HDAC5: variants seen among roughly 807,000 people sequenced by gnomAD.
HDAC5 encodes the protein histone deacetylase 5, also known as antigen NY-CO-9.
Under a neutral mutation model 133.3 loss-of-function variants are expected in HDAC5, and 25 were observed. The ratio of observed to expected loss-of-function variants is 0.19; its 90% CI spans 0.14 to 0.26. The LOEUF (loss-of-function observed/expected upper bound fraction) is 0.26, where lower values mean the gene tolerates loss of function less well. Among genes scored for constraint, HDAC5 ranks in the 10% least tolerant of loss-of-function variants. The pLI, the probability that HDAC5 is intolerant of heterozygous loss-of-function variation, is 1.00. For synonymous variants in HDAC5, 589 were observed against 610.8 expected, an observed-to-expected ratio of 0.96 and a Z score of 0.53; for missense variants, 1,041 against 1,460.5, an observed-to-expected ratio of 0.71 and a Z score of 4.68.
chr17:44,082,468 C>CGAGGATGA (rs1172055709), intron 20 of HDAC5, 117 bp downstream of exon 20: 1 of 782,590 alleles, frequency 1.3e-6, no homozygotes, highest in Non-Finnish European at 2.2e-6. Flanking sequence ...ACCCAGCACC[C>CGAGGATGA]GAGGATGAGG....
In HDAC5 at chr17:44,092,284, G is replaced by A. The variant is rs376431873; in HGVS notation, c.920C>T (p.Ala307Val). Residue 307 changes from alanine (A) to valine (V), a missense_variant and splice_region_variant, in exon 9 of 27, where the codon GCG (alanine) becomes GTG (valine). Ala to Val is a moderately conservative substitution (Grantham distance 64, BLOSUM62 0). Around this residue, in one of 9 missense-constraint regions of HDAC5, gnomAD observed 433 missense variants for 531.6 expected, o/e 0.81. Transcript: ENST00000682912. ...GGGTGCGCTGTTACACACGGACGAC[G>A]CTATAGGAGAAGTGGCTGTCACCTG... ...AVEITGAGPGASSVCNSAPGS... is the reference protein window; with the variant it reads ...AVEITGAGPGVSSVCNSAPGS... 11 of 1,613,786 alleles carry A rather than the reference G, an allele frequency of 6.8e-6. No individual in the cohort carries two copies. Among genetic ancestry groups the A allele is most frequent in the Middle Eastern group, 1.6e-4 (1 of 6,078 alleles).
At chr17:44,088,677 C>T in intron 11 of HDAC5, 79 bp from the exon 12 acceptor site, 9 of 1,531,926 alleles carry the variant, frequency 5.9e-6, no homozygotes, top group Non-Finnish European at 7.1e-6. Flanking sequence ...ATCTTGCCCC[C>T]ACAACCCCCT....
chr17:44,090,113 A>C (rs1173492181), intron 11 of HDAC5, among the ~76,000 whole-genome samples: 2 of 151,164 alleles, frequency 1.3e-5, no homozygotes, highest in East Asian at 4.1e-4. Context: ...GGCGCCTATA[A>C]TCCCAACTAC....
intron 20 of HDAC5, 100 bp downstream of exon 20, chr17:44,082,484 TG>T: frequency 2.2e-6 from 2 of 908,582 alleles, no homozygotes; most frequent in Non-Finnish European, 3.6e-6. Flanking sequence ...TGAGGACGAC[TG>T]GGGTGCTTGA....
At chr17:44,106,213 G>A (rs2051930284) in intron 3 of HDAC5, among the ~76,000 whole-genome samples, 1 of 152,136 alleles carries the variant, frequency 6.6e-6, no homozygotes, top group African/African-American at 2.4e-5. Context: ...GGGGGAGGGG[G>A]ACACAGGAGG....
At chr17:44,116,864 A>G (rs1302818307) in intron 2 of HDAC5, among the ~76,000 whole-genome samples, 1 of 152,074 alleles carries the variant, frequency 6.6e-6, no homozygotes. Flanking sequence ...GGAACAGGAA[A>G]TCTCAGAGTA....
At position 44,078,366 on chromosome 17, in the gene HDAC5, G is replaced by C. The variant is rs1361064010; in HGVS notation, c.*10C>G. 6.6e-7 allele frequency: 1 copy of C among 1,524,318 alleles called. No individual in the cohort carries two copies. The highest frequency in any genetic ancestry group is 8.8e-7 in the Non-Finnish European group (1 of 1,139,118). 94.4% of individuals were successfully genotyped at this position (1,524,318 alleles called of 1,614,324 possible). On this transcript the variant is annotated 3_prime_UTR_variant, in exon 27 of 27. Coordinates refer to ENST00000682912, the MANE Select transcript of HDAC5 (RefSeq NM_005474.5). ...CAATGGTGAAGCCCAGAGGGATGGG[G>C]GCCGGGGCGTCACAGGGCAGGCTCC... is the stretch of plus-strand genomic sequence containing the variant.
intron 3 of HDAC5, among the ~76,000 whole-genome samples, chr17:44,103,342 ACT>A (rs750603714): frequency 1.3e-5 from 2 of 152,088 alleles, no homozygotes; most frequent in Non-Finnish European, 2.9e-5. Context: ...GCTGGGTCTG[ACT>A]CTCACCTAGC....
chr17:44,100,992 T>C (rs927947701), intron 3 of HDAC5, among the ~76,000 whole-genome samples: 13 of 149,322 alleles, frequency 8.7e-5, no homozygotes, highest in African/African-American at 2.9e-4. Context: ...GGTTTCACCA[T>C]GTTGGTCAGG....
At chr17:44,091,672 G>A (rs1193224082) in intron 10 of HDAC5, 28 bp downstream of exon 10, 17 of 1,523,754 alleles carry the variant, frequency 1.1e-5, no homozygotes, top group Non-Finnish European at 1.3e-5. Context: ...ACACCAGAGG[G>A]AAGATGGGGT....
intron 3 of HDAC5, among the ~76,000 whole-genome samples, chr17:44,103,866 G>A (rs2051770513): frequency 6.6e-6 from 1 of 151,874 alleles, no homozygotes; most frequent in Non-Finnish European, 1.5e-5. Flanking sequence ...ACGCCACCAT[G>A]CCCGGCTAAT....
At chr17:44,118,099 T>C (rs1228065429) in intron 1 of HDAC5, among the ~76,000 whole-genome samples, 2 of 152,220 alleles carry the variant, frequency 1.3e-5, no homozygotes, top group African/African-American at 4.8e-5. Flanking sequence ...CTAGAGTCCC[T>C]GGCAGAAGTG....
chr17:44,098,344 G>A (rs538242296), intron 3 of HDAC5, among the ~76,000 whole-genome samples: 33 of 152,334 alleles, frequency 2.2e-4, no homozygotes, highest in African/African-American at 6.7e-4. Flanking sequence ...GCTCTTGGCC[G>A]CCTCCTGGTG....
chr17:44,101,248 A>G (rs979971922), intron 3 of HDAC5, among the ~76,000 whole-genome samples: 2 of 151,292 alleles, frequency 1.3e-5, no homozygotes, highest in African/African-American at 4.8e-5. Context: ...TACTAAAAAC[A>G]CAAAAAATTA....
chr17:44,117,402 G>A lies in HDAC5; in HGVS notation c.22+92C>T, dbSNP rs2052714081. 1.5e-6 allele frequency: 2 copies of A among 1,373,730 alleles called. No individual in the cohort carries two copies. The highest frequency in any genetic ancestry group is 1.7e-5 in the Admixed American group (1 of 59,638). The allele number at this position is 1,373,730 out of a possible 1,614,324, so 85.1% of individuals were successfully genotyped here. On this transcript the variant is annotated intron_variant, in intron 2 of 26. Coordinates refer to ENST00000682912, the MANE Select transcript of HDAC5 (RefSeq NM_005474.5). This position sits in a 1 kb window ranked among gnomAD's most constrained non-coding sequence, Gnocchi z 4.2. ...CCCTCATTCCCTTATAGCTCAGACA[G>A]TAAAGGTCAGCTGGCCTGGAAGGGA...
chr17:44,086,561 TG>T lies in HDAC5; in HGVS notation c.2050+10del. The T allele has an allele frequency of 7.7e-7, 1 of 1,298,456 alleles. No individual in the cohort carries two copies. The allele number at this position is 1,298,456 out of a possible 1,614,324, so 80.4% of individuals were successfully genotyped here. ...CCTGGCAGAAGGACCTAACAGTTGG[TG>T]GGGGCTCACCTGTGGTGAAGAGGTG... On this transcript the variant is annotated intron_variant, in intron 14 of 26. Transcript: ENST00000682912.
Position 44,123,528 on chromosome 17 carries a change from C to T in HDAC5, c.-214G>A, listed in dbSNP as rs1293558881. The T allele has an allele frequency of 5.1e-6, 2 of 395,632 alleles. No homozygotes were observed. Among genetic ancestry groups the T allele is most frequent in the Non-Finnish European group, 8.9e-6 (2 of 225,402 alleles). 24.5% of individuals were successfully genotyped at this position (395,632 alleles called of 1,614,324 possible). A position where few individuals can be genotyped will look rare whatever the true frequency, so the allele number is the denominator to read the frequency against. On this transcript the variant is annotated 5_prime_UTR_variant, in exon 1 of 27. Transcript: ENST00000682912. ...CCCGCTGCGGCTCGAGCTCCGGCTTCGCGGGCGGCGGCGGCAGCAGCGGCG... is the reference window on the plus strand; with the variant it reads ...CCCGCTGCGGCTCGAGCTCCGGCTTTGCGGGCGGCGGCGGCAGCAGCGGCG...
intron 3 of HDAC5, among the ~76,000 whole-genome samples, chr17:44,097,823 TC>T (rs2143377377): frequency 6.6e-6 from 1 of 152,358 alleles, no homozygotes; most frequent in South Asian, 2.1e-4. Flanking sequence ...AGTACTGGCT[TC>T]CCTTGCAGGA....
At chr17:44,092,595 G>T in intron 7 of HDAC5, 68 bp from the exon 8 acceptor site, 5 of 1,565,092 alleles carry the variant, frequency 3.2e-6, no homozygotes, top group Non-Finnish European at 4.4e-6. Flanking sequence ...AGCCCACTGG[G>T]GTCAGGGCTG....
Sources: allele counts gnomAD v4.1 joint callset (sites outside exome capture counted in the v4.1 genomes callset), GRCh38; gene constraint gnomAD v4.1.1; regional missense constraint gnomAD v4.1.1; non-coding constraint Gnocchi (gnomAD v3.1); transcripts MANE v1.5; gene names NCBI Gene and HGNC (gene_info 2026-07-23, HGNC 2026-07-21).